The following DMD variants were observed in gnomAD, a reference collection of about 807,000 sequenced individuals.
DMD encodes the protein mutant dystrophin.
DMD carries 63 observed loss-of-function variants against 330.1 expected under a neutral mutation model. The observed-to-expected ratio is 0.19, with a 90% CI of 0.16 to 0.24. The LOEUF is 0.24. Ranked by LOEUF, DMD falls within the 10% of genes least tolerant of loss-of-function variation. The pLI, the probability that DMD is intolerant of heterozygous loss-of-function variation, is 1.00. For synonymous variants in DMD, 1,223 were observed against 959.8 expected (o/e 1.27, Z -5.07); for missense variants, 3,344 against 2,684.1 (o/e 1.25, Z -5.43).
At chrX:31,790,168 G>A (rs2091500863) in intron 50 of DMD, among the ~76,000 whole-genome samples, 1 of 111,778 alleles carries the variant, frequency 8.9e-6, no homozygotes, top group South Asian at 3.7e-4. Context: ...CGTGAACAGA[G>A]GCAAAGAGCT....
intron 2 of DMD, among the ~76,000 whole-genome samples, chrX:33,017,956 T>C (rs1172470589): frequency 8.9e-6 from 1 of 112,424 alleles, no homozygotes; most frequent in African/African-American, 3.2e-5. Context: ...TGTTTATCTT[T>C]TGGTTTCACC....
At chrX:32,457,665 C>G (rs1012750297) in intron 25 of DMD, among the ~76,000 whole-genome samples, 1 of 104,691 alleles carries the variant, frequency 9.6e-6, no homozygotes, top group African/African-American at 3.5e-5. Flanking sequence ...ACTGCAACTT[C>G]TATTCTGATT....
chrX:31,894,599 C>T (rs2094305822), intron 47 of DMD, among the ~76,000 whole-genome samples: 1 of 112,180 alleles, frequency 8.9e-6, no homozygotes, highest in South Asian at 3.7e-4. Context: ...GGGAAAGGAA[C>T]ATTCCTTTGA....
chrX:32,606,152 C>A (rs1330479164), intron 12 of DMD, among the ~76,000 whole-genome samples: 3 of 109,418 alleles, frequency 2.7e-5, no homozygotes, highest in Admixed American at 1.9e-4. Context: ...AATTTTTGTA[C>A]CCAATAACCA....
At chrX:31,570,520 G>A (rs2075752069) in intron 55 of DMD, among the ~76,000 whole-genome samples, 1 of 111,045 alleles carries the variant, frequency 9.0e-6, no homozygotes, top group South Asian at 3.8e-4. Context: ...ATTAAGAATT[G>A]TTCTATAAGG....
chrX:33,163,394 G>A (rs766242033), intron 1 of DMD, among the ~76,000 whole-genome samples: 1 of 109,048 alleles, frequency 9.2e-6, no homozygotes, highest in African/African-American at 3.3e-5. Context: ...AAATTAGCCA[G>A]GCATGGTGGC....
intron 6 of DMD, among the ~76,000 whole-genome samples, chrX:32,812,094 G>C (rs1015494816): frequency 1.8e-5 from 2 of 111,046 alleles, no homozygotes; most frequent in Non-Finnish European, 3.8e-5. Flanking sequence ...CATTAGTCAA[G>C]TGGTTCTTCA....
intron 7 of DMD, among the ~76,000 whole-genome samples, chrX:32,755,339 C>T (rs756829397): frequency 2.4e-4 from 26 of 110,485 alleles, no homozygotes; most frequent in Non-Finnish European, 4.0e-4. Context: ...AAAAACGGAA[C>T]ATGACTAAAA....
At chrX:32,952,278 C>T (rs779276338) in intron 2 of DMD, among the ~76,000 whole-genome samples, 39 of 110,398 alleles carry the variant, frequency 3.5e-4, no homozygotes, top group Non-Finnish European at 4.9e-4. Flanking sequence ...GGATTACAAG[C>T]ATGTACCACT....
chrX:31,779,270 C>T (rs1490390744), intron 50 of DMD, among the ~76,000 whole-genome samples: 1 of 111,873 alleles, frequency 8.9e-6, no homozygotes, highest in Non-Finnish European at 1.9e-5. Flanking sequence ...GTTGTCATCC[C>T]TAAGGAGCAT....
chrX:32,036,324 T>C (rs1380676599), intron 44 of DMD, among the ~76,000 whole-genome samples: 1 of 111,360 alleles, frequency 9.0e-6, no homozygotes, highest in Non-Finnish European at 1.9e-5. Context: ...AGGCAAGAGA[T>C]AGTGTTTTGA....
intron 42 of DMD, among the ~76,000 whole-genome samples, chrX:32,292,299 A>ATT (rs1355530949): frequency 9.7e-5 from 3 of 30,869 alleles, no homozygotes; most frequent in Non-Finnish European, 1.5e-4. Flanking sequence ...CAAAGGGAAT[A>ATT]TTCTTTTTTT....
intron 1 of DMD, among the ~76,000 whole-genome samples, chrX:33,143,642 G>A (rs1420516816): frequency 1.8e-5 from 2 of 111,680 alleles, no homozygotes; most frequent in Non-Finnish European, 3.8e-5. Context: ...TCTTACTGTT[G>A]ATGGTTTTAA....
intron 21 of DMD, among the ~76,000 whole-genome samples, chrX:32,481,046 A>T (rs190357733): frequency 9.0e-6 from 1 of 110,842 alleles, no homozygotes; most frequent in East Asian, 2.9e-4. Context: ...GTTACCTCAC[A>T]TCAAACTTTG....
chrX:31,299,083 A>G (rs770038419), intron 62 of DMD, among the ~76,000 whole-genome samples: 44 of 111,900 alleles, frequency 3.9e-4, no homozygotes, highest in Non-Finnish European at 7.5e-4. Context: ...TGGACTTCAC[A>G]TGAACTCGCT....
At chrX:32,252,725 A>AATATATAAAT (rs1569553628) in intron 43 of DMD, among the ~76,000 whole-genome samples, 2 of 36,417 alleles carry the variant, frequency 5.5e-5, no homozygotes, top group East Asian at 1.3e-3. Flanking sequence ...AATATATATA[A>AATATATAAAT]ATATATAAAT....
intron 74 of DMD, among the ~76,000 whole-genome samples, chrX:31,166,657 G>A (rs2039445729): frequency 9.0e-6 from 1 of 111,329 alleles, no homozygotes; most frequent in Middle Eastern, 4.7e-3. Flanking sequence ...CTGAATTCAA[G>A]GGTAGCGAAG....
At chrX:31,525,275 C>T (rs1469761316) in intron 55 of DMD, among the ~76,000 whole-genome samples, 1 of 111,568 alleles carries the variant, frequency 9.0e-6, no homozygotes, top group African/African-American at 3.3e-5. Context: ...CTTTTAAATG[C>T]CATATGTTCG....
At chrX:33,227,459 T>C (rs891916126) in intron 1 of DMD, among the ~76,000 whole-genome samples, 1 of 111,243 alleles carries the variant, frequency 9.0e-6, no homozygotes, top group African/African-American at 3.3e-5. Context: ...TTGGTAAGAA[T>C]TGATAAGAAC....
Sources: gnomAD v4.1 joint callset for allele counts (sites outside exome capture counted in the v4.1 genomes callset) on GRCh38, gnomAD v4.1.1 for gene constraint, MANE v1.5 for transcripts, NCBI Gene and HGNC (gene_info 2026-07-23, HGNC 2026-07-21) for gene names.